Variants in ZFAT observed in about 807,000 individuals in gnomAD.
ZFAT encodes zinc finger and AT-hook domain containing, also known as zinc finger protein ZFAT.
Under a neutral mutation model 117.7 loss-of-function variants are expected in ZFAT, and 64 were observed. The ratio of observed to expected loss-of-function variants is 0.54; its 90% CI spans 0.44 to 0.67. ZFAT has a LOEUF of 0.67. ZFAT is among the 30% of genes least tolerant of loss of function. The pLI, the probability that ZFAT is intolerant of heterozygous loss-of-function variation, is 0.00. For synonymous variants in ZFAT, 679 were observed against 615.0 expected (o/e 1.10, Z -1.54); for missense variants, 1,433 against 1,584.5 (o/e 0.90, Z 1.62).
chr8:134,812,790 A>G, the ZFAT span, among the ~76,000 whole-genome samples: 8 of 152,208 alleles, frequency 5.3e-5, no homozygotes, highest in Non-Finnish European at 1.2e-4. Context: ...CAGTAAATAC[A>G]TGGTGCTTAC....
At chr8:134,674,352 G>A (rs1235965781) in intron 1 of ZFAT, among the ~76,000 whole-genome samples, 4 of 152,176 alleles carry the variant, frequency 2.6e-5, no homozygotes, top group African/African-American at 9.7e-5. Flanking sequence ...CCACTGGCTC[G>A]AAATTCTCAC....
At chr8:134,545,723 C>T (rs1822646936) in intron 11 of ZFAT, among the ~76,000 whole-genome samples, 1 of 152,138 alleles carries the variant, frequency 6.6e-6, no homozygotes, top group African/African-American at 2.4e-5. Flanking sequence ...GAAGTCGGGA[C>T]AGTGGTGACT....
At chr8:134,728,427 T>C in the ZFAT span, among the ~76,000 whole-genome samples, 1 of 152,082 alleles carries the variant, frequency 6.6e-6, no homozygotes, top group African/African-American at 2.4e-5. Context: ...ATCTAGTAAA[T>C]CATGAAAGGT....
chr8:134,514,515 C>T (rs1362768745), intron 13 of ZFAT, among the ~76,000 whole-genome samples: 1 of 152,138 alleles, frequency 6.6e-6, no homozygotes, highest in African/African-American at 2.4e-5. Context: ...CCTCCAGGGG[C>T]TCATTCAGGC....
At chr8:134,597,843 G>A (rs1328175565) in intron 7 of ZFAT, 2 of 152,200 alleles carry the variant, frequency 1.3e-5, no homozygotes, top group Non-Finnish European at 2.9e-5. Context: ...GAAAACGTGA[G>A]AGCTAATGAG....
chr8:134,532,859 C>T lies in ZFAT; in HGVS notation c.3090G>A (p.Leu1030=). 6.2e-7 allele frequency: 1 copy of T among 1,609,908 alleles called. No individual in the cohort carries two copies. The highest frequency in any genetic ancestry group is 8.5e-7 in the Non-Finnish European group (1 of 1,178,242). Residue 1030 remains leucine, a synonymous_variant, in exon 12 of 16, where the codon CTG becomes CTA. Transcript: ENST00000377838. ...EEYANVGTGE[L]AAEVLIQQGG... ...CTTGCTGGATGAGCACCTCCGCTGC[C>T]AGCTCCCCGGTGCCCACGTTGGCAT... is the stretch of plus-strand genomic sequence containing the variant.
chr8:134,761,209 G>A, the ZFAT span, among the ~76,000 whole-genome samples: 1 of 152,178 alleles, frequency 6.6e-6, no homozygotes, highest in South Asian at 2.1e-4. Flanking sequence ...ACTGTGGGCT[G>A]AGCACTGCAT....
At chr8:134,668,342 G>C (rs1361211368) in intron 1 of ZFAT, among the ~76,000 whole-genome samples, 1 of 152,226 alleles carries the variant, frequency 6.6e-6, no homozygotes, top group African/African-American at 2.4e-5. Context: ...GCCTAACTGG[G>C]AGGCACCCCC....
chr8:134,701,937 G>T (rs6996512), intron 1 of ZFAT, among the ~76,000 whole-genome samples: 4,522 of 152,274 alleles, frequency 0.03, 224 homozygotes, highest in African/African-American at 0.1. Context: ...GATGTGATTG[G>T]ACCATGATGG....
intron 3 of ZFAT, among the ~76,000 whole-genome samples, chr8:134,626,284 C>G (rs774913766): frequency 3.3e-5 from 5 of 152,220 alleles, no homozygotes; most frequent in Admixed American, 6.5e-5. Context: ...ACCACCCAAT[C>G]AGCAGCAGCA....
intron 2 of ZFAT, among the ~76,000 whole-genome samples, chr8:134,646,005 C>T (rs1179165711): frequency 6.6e-6 from 1 of 151,944 alleles, no homozygotes. Context: ...GTTTGAGAAC[C>T]ATCCTGGCCA....
chr8:134,560,744 T>C (rs1563849560), intron 11 of ZFAT, among the ~76,000 whole-genome samples: 2 of 152,160 alleles, frequency 1.3e-5, no homozygotes, highest in Non-Finnish European at 2.9e-5. Context: ...AATAGCTAGA[T>C]GGAAGGATTT....
chr8:134,617,876 G>GTA (rs1828856010), intron 3 of ZFAT, among the ~76,000 whole-genome samples: 1 of 152,158 alleles, frequency 6.6e-6, no homozygotes, highest in African/African-American at 2.4e-5. Flanking sequence ...AACTTGAATT[G>GTA]TATCTCCCAG....
At chr8:134,565,750 C>T (rs1180145233) in intron 10 of ZFAT, 2 of 399,918 alleles carry the variant, frequency 5.0e-6, no homozygotes, top group Non-Finnish European at 9.3e-6. Context: ...GGGAGAGGGG[C>T]ACACACAGAT....
chr8:134,759,925 C>T, the ZFAT span, among the ~76,000 whole-genome samples: 1 of 135,620 alleles, frequency 7.4e-6, no homozygotes, highest in African/African-American at 2.8e-5. Context: ...GAGCCAAGAT[C>T]ATGCCACTGC....
At chr8:134,727,133 AG>A in the ZFAT span, among the ~76,000 whole-genome samples, 5,344 of 141,906 alleles carry the variant, frequency 0.038, 295 homozygotes, top group African/African-American at 0.13. Flanking sequence ...CACGAAGTGG[AG>A]AAAAAAAAAA....
intron 4 of ZFAT, among the ~76,000 whole-genome samples, chr8:134,609,951 T>C (rs1828195515): frequency 1.3e-5 from 2 of 152,132 alleles, no homozygotes; most frequent in African/African-American, 2.4e-5. Flanking sequence ...AGAATAGAAC[T>C]CTAACCTTTG....
chr8:134,699,282 T>G (rs551301525), intron 1 of ZFAT, among the ~76,000 whole-genome samples: 1 of 151,902 alleles, frequency 6.6e-6, no homozygotes, highest in East Asian at 1.9e-4. Flanking sequence ...TAAGGAACAA[T>G]AAGGCTCAAA....
chr8:134,783,099 A>G, the ZFAT span, among the ~76,000 whole-genome samples: 3 of 152,170 alleles, frequency 2.0e-5, no homozygotes. Context: ...CACATAAATA[A>G]TACACTATAT....
Sources: gnomAD v4.1 joint callset for allele counts (sites outside exome capture counted in the v4.1 genomes callset) on GRCh38, gnomAD v4.1.1 for gene constraint, MANE v1.5 for transcripts, NCBI Gene and HGNC (gene_info 2026-07-23, HGNC 2026-07-21) for gene names.